The following MTOR variants were observed in gnomAD, a reference collection of about 807,000 sequenced individuals.
MTOR encodes the protein serine/threonine-protein kinase mTOR.
In MTOR, 70 loss-of-function variants were observed where a neutral mutation model predicts 319.8. That is an observed-to-expected ratio of 0.22 (90% CI 0.18 to 0.27). The LOEUF is 0.27. Ranked by LOEUF, MTOR falls within the 10% of genes least tolerant of loss-of-function variation. The pLI, the probability that MTOR is intolerant of heterozygous loss-of-function variation, is 1.00. For synonymous variants in MTOR, 1,183 were observed against 1,211.4 expected, an observed-to-expected ratio of 0.98 and a Z score of 0.49; for missense variants, 1,890 against 3,274.4, an observed-to-expected ratio of 0.58 and a Z score of 10.32.
chr1:11,206,448 T>C (rs1337364209), intron 25 of MTOR, among the ~76,000 whole-genome samples: 1 of 152,116 alleles, frequency 6.6e-6, no homozygotes, highest in Non-Finnish European at 1.5e-5. Flanking sequence ...AACCCGTCAG[T>C]GCCTCACGGT....
intron 28 of MTOR, chr1:11,195,283 C>T (rs1299515069): frequency 1.0e-5 from 4 of 392,622 alleles, no homozygotes; most frequent in South Asian, 6.1e-5. Context: ...TCTCTCTGCC[C>T]AAGATCCCTG....
At chr1:11,157,125 C>T in intron 30 of MTOR, 27 bp downstream of exon 30, 1 of 1,571,884 alleles carries the variant, frequency 6.4e-7, no homozygotes, top group South Asian at 1.2e-5. Context: ...CTTGCAGCCA[C>T]ACATGCCATC....
chr1:11,157,144 A>G lies in MTOR; in HGVS notation c.4469+8T>C. The G allele has an allele frequency of 1.3e-6, 2 of 1,596,002 alleles. No individual in the cohort carries two copies. Among genetic ancestry groups the G allele is most frequent in the Non-Finnish European group, 1.7e-6 (2 of 1,172,402 alleles). On this transcript the variant is annotated splice_region_variant and intron_variant, in intron 30 of 57. Transcript: ENST00000361445. ...CAGCCACACATGCCATCATTCTAGGAAGCTCACCATTCCCCCAAGGCCTCG... is the reference window on the plus strand; with the variant it reads ...CAGCCACACATGCCATCATTCTAGGGAGCTCACCATTCCCCCAAGGCCTCG...
At chr1:11,206,995 T>A (rs1393039274) in intron 25 of MTOR, among the ~76,000 whole-genome samples, 2 of 152,260 alleles carry the variant, frequency 1.3e-5, no homozygotes, top group Admixed American at 1.3e-4. Flanking sequence ...AAATTGTTAC[T>A]CTGAAAGTTG....
In MTOR at chr1:11,212,979, T is replaced by C; in HGVS notation, c.3286-71A>G. ...GTATCTAAGGACACGCAGCGGGTGG[T>C]GGTGTAGACAATTCAAAGTTCTCTG... On this transcript the variant is annotated intron_variant, in intron 21 of 57. Coordinates refer to ENST00000361445, the MANE Select transcript of MTOR (RefSeq NM_004958.4). This position sits in a 1 kb window ranked among gnomAD's most constrained non-coding sequence, Gnocchi z 4.1. 8.2e-7 allele frequency: 1 copy of C among 1,214,826 alleles called. No homozygotes were observed. The allele number at this position is 1,214,826 out of a possible 1,614,324, so 75.3% of individuals were successfully genotyped here.
intron 49 of MTOR, 49 bp from the exon 50 acceptor site, chr1:11,117,135 C>A (rs1642205771): frequency 7.1e-7 from 1 of 1,411,070 alleles, no homozygotes; most frequent in Admixed American, 2.0e-5. Context: ...ACTTTAATTT[C>A]AACATAATTA....
In MTOR at chr1:11,256,969, C is replaced by T; in HGVS notation, c.468G>A (p.Leu156=). 2 of 1,614,106 alleles carry T rather than the reference C, an allele frequency of 1.2e-6. No individual in the cohort carries two copies. The highest frequency in any genetic ancestry group is 1.7e-6 in the Non-Finnish European group (2 of 1,179,996). ...EFEVKRALEW[L]GADRNEGRRH... is the part of the protein sequence containing the mutation. The stretch of plus-strand genomic sequence containing the variant: ...TCCGGCCCTCATTGCGGTCAGCACC[C>T]AGCCATTCCAGGGCTCGCTTCACCT... The change falls in exon 4 of 58, where the codon CTG becomes CTA. Residue 156 remains leucine, a synonymous_variant. Transcript: ENST00000361445.
intron 15 of MTOR, chr1:11,233,149 T>TG: frequency 3.9e-6 from 4 of 1,034,798 alleles, no homozygotes; most frequent in Non-Finnish European, 4.4e-6. Flanking sequence ...CACACATTTA[T>TG]GCTGTCTGAA....
Position 11,128,728 on chromosome 1 carries a change from G to T in MTOR, c.5811+127C>A. 9.9e-7 allele frequency: 1 copy of T among 1,010,504 alleles called. No homozygotes were observed. The highest frequency in any genetic ancestry group is 1.5e-6 in the Non-Finnish European group (1 of 669,392). 62.6% of individuals were successfully genotyped at this position (1,010,504 alleles called of 1,614,324 possible). On this transcript the variant is annotated intron_variant, in intron 41 of 57. Coordinates refer to ENST00000361445, the MANE Select transcript of MTOR (RefSeq NM_004958.4). This position sits in a 1 kb window ranked among gnomAD's most constrained non-coding sequence, Gnocchi z 5.3. ...AATATGGACACTTGACACTGGGACCGAGCCCTACTTCCTTAGCACTGTATT... is the reference window on the plus strand; with the variant it reads ...AATATGGACACTTGACACTGGGACCTAGCCCTACTTCCTTAGCACTGTATT...
chr1:11,246,441 A>G (rs1648833281), intron 8 of MTOR, among the ~76,000 whole-genome samples: 1 of 152,366 alleles, frequency 6.6e-6, no homozygotes, highest in East Asian at 1.9e-4. Flanking sequence ...GTGCCAGGCC[A>G]GAACAATAGA....
intron 28 of MTOR, chr1:11,194,326 CAAGT>C: frequency 1.2e-6 from 1 of 833,654 alleles, no homozygotes; most frequent in Non-Finnish European, 1.9e-6. Context: ...TGGAGGTAAA[CAAGT>C]AATAAAGTCT....
At position 11,157,212 on chromosome 1, in the gene MTOR, T is replaced by C. The variant is rs1405851163; in HGVS notation, c.4409A>G (p.Asn1470Ser). 4 of 1,613,992 alleles carry C rather than the reference T, an allele frequency of 2.5e-6. No individual in the cohort carries two copies. Among genetic ancestry groups the C allele is most frequent in the African/African-American group, 2.7e-5 (2 of 74,928 alleles). ...CAGCATCAGCTCTGGGTCGTCCTTG[T>C]TGGTGTCCATTTTCTTGTCATAGGC... ...LVAYDKKMDT[N>S]KDDPELMLGR... The change falls in exon 30 of 58, where the codon AAC (asparagine) becomes AGC (serine). Residue 1470 changes from asparagine (N) to serine (S), a missense_variant. Coordinates refer to ENST00000361445, the MANE Select transcript of MTOR (RefSeq NM_004958.4).
chr1:11,204,873 A>G (rs1050839694), intron 25 of MTOR, among the ~76,000 whole-genome samples, 170 bp from the exon 26 acceptor site: 8 of 152,080 alleles, frequency 5.3e-5, no homozygotes, highest in African/African-American at 1.9e-4. Context: ...AAGAACAGCA[A>G]CTCTGGAACA....
Position 11,107,111 on chromosome 1 carries a change from G to A in MTOR, c.*374C>T. 3 of 1,375,916 alleles carry A rather than the reference G, an allele frequency of 2.2e-6. No individual in the cohort carries two copies. The highest frequency in any genetic ancestry group is 2.9e-6 in the Non-Finnish European group (3 of 1,042,594). 85.2% of individuals were successfully genotyped at this position (1,375,916 alleles called of 1,614,324 possible). On this transcript the variant is annotated 3_prime_UTR_variant, in exon 58 of 58. Coordinates refer to ENST00000361445, the MANE Select transcript of MTOR (RefSeq NM_004958.4). ...GCTGTGCTGAGTTTGCTGTACCCAT[G>A]TTGAGAGGAGCAACTAGGTCATTCT...
intron 29 of MTOR, among the ~76,000 whole-genome samples, chr1:11,158,216 G>T (rs1021995172): frequency 6.6e-6 from 1 of 152,056 alleles, no homozygotes; most frequent in African/African-American, 2.4e-5. Context: ...GGCTCTCTAG[G>T]GATTTCTTTA....
rs1553128060 is a variant in MTOR, at chr1:11,244,296, T to TTAAAA, written c.1226-997_1226-996insTTTTA. Among the ~76,000 whole-genome samples, 3 of 88,982 alleles carry TTAAAA rather than the reference T, an allele frequency of 3.4e-5. No individual in the cohort carries two copies. The Admixed American group carries it at 4.6e-4, about 14-fold the overall frequency. The allele number at this position is 88,982 out of a possible 152,430, so 58.4% of individuals were successfully genotyped here. A position where few individuals can be genotyped will look rare whatever the true frequency, so the allele number is the denominator to read the frequency against. ...AACAAGAGCAAAACTACATCTCATTTAAAAAAAAAAAAAAAAAAAAGACCC... is the reference window on the plus strand; with the variant it reads ...AACAAGAGCAAAACTACATCTCATTTTAAAAAAAAAAAAAAAAAAAAAAAAGACCC... On this transcript the variant is annotated intron_variant, in intron 8 of 57. Transcript: ENST00000361445.
At chr1:11,173,433 C>T (rs1032628021) in intron 28 of MTOR, among the ~76,000 whole-genome samples, 6 of 151,962 alleles carry the variant, frequency 3.9e-5, no homozygotes, top group African/African-American at 1.5e-4. Context: ...TACACCACCA[C>T]ACACATTATT....
At position 11,227,156 on chromosome 1, in the gene MTOR, G is replaced by A. The variant is rs375414223; in HGVS notation, c.3030+1512C>T. On this transcript the variant is annotated intron_variant, in intron 19 of 57. Transcript: ENST00000361445. ...CTACTAAAAATACAAAAATTAGCCGGGCTTGGTGGTGCACCCCTGTAATCC... is the reference window on the plus strand; with the variant it reads ...CTACTAAAAATACAAAAATTAGCCGAGCTTGGTGGTGCACCCCTGTAATCC... Among the ~76,000 whole-genome samples the A allele has an allele frequency of 3.1e-4, 47 of 151,460 alleles. No homozygotes were observed. In the South Asian group the frequency reaches 7.7e-3, roughly 25 times the overall value.
chr1:11,204,554 A>G lies in MTOR; in HGVS notation c.3944+7T>C. ...TGATCTTCTCCACCCGCCCTGACAC[A>G]CTATACCTGGCCATCGGGTTGTAGG... On this transcript the variant is annotated splice_region_variant and intron_variant, in intron 26 of 57. Transcript: ENST00000361445. 2 of 1,613,464 alleles carry G rather than the reference A, an allele frequency of 1.2e-6. No individual in the cohort carries two copies. Among genetic ancestry groups the G allele is most frequent in the East Asian group, 4.5e-5 (2 of 44,886 alleles).
Sources: allele counts gnomAD v4.1 joint callset (sites outside exome capture counted in the v4.1 genomes callset), GRCh38; gene constraint gnomAD v4.1.1; non-coding constraint Gnocchi (gnomAD v3.1); transcripts MANE v1.5; gene names NCBI Gene and HGNC (gene_info 2026-07-23, HGNC 2026-07-21).